STPG2: variants seen among roughly 807,000 people sequenced by gnomAD.
STPG2 encodes sperm tail PG-rich repeat containing 2, also known as sperm-tail PG-rich repeat-containing protein 2.
A neutral mutation model predicts 54.2 loss-of-function variants in STPG2; 56 were observed. The observed-to-expected ratio is 1.03, with a 90% confidence interval of 0.83 to 1.29. STPG2 has a LOEUF of 1.29. Ranked by LOEUF, STPG2 falls within the 50% of genes most tolerant of loss-of-function variation. STPG2 has a pLI of 0.00. For synonymous variants in STPG2, 200 were observed against 181.8 expected (o/e 1.10, Z -0.81); for missense variants, 596 against 544.9 (o/e 1.09, Z -0.93).
chr4:97,455,546 G>A (rs898102135), intron 4 of STPG2, among the ~76,000 whole-genome samples: 10 of 152,092 alleles, frequency 6.6e-5, no homozygotes, highest in African/African-American at 1.4e-4. Flanking sequence ...GCTGCTGAGC[G>A]GCCTGACTCC....
In STPG2 at chr4:97,792,173, T is replaced by C. The variant is rs56092288; in HGVS notation, c.1204+48600A>G. Among the ~76,000 whole-genome samples, 1,153 of 152,296 alleles carry C rather than the reference T, an allele frequency of 7.6e-3. 9 individuals carry two copies. The highest frequency in any genetic ancestry group is 9.2e-3 in the Non-Finnish European group (629 of 68,014). On this transcript the variant is annotated intron_variant, in intron 9 of 10. Coordinates refer to ENST00000295268, the MANE Select transcript of STPG2 (RefSeq NM_174952.3). ...CAAAACCATATTGCAAGTATAAGGA[T>C]GAAATTAAGATTTTTTATGTTTAAA...
At chr4:97,872,690 G>A (rs995582409) in intron 8 of STPG2, among the ~76,000 whole-genome samples, 2 of 150,998 alleles carry the variant, frequency 1.3e-5, no homozygotes, top group African/African-American at 2.4e-5. Context: ...ACAGATCATA[G>A]GTTAATTAAT....
chr4:97,736,377 CA>C (rs1260628814), intron 9 of STPG2, among the ~76,000 whole-genome samples: 1 of 152,164 alleles, frequency 6.6e-6, no homozygotes, highest in Non-Finnish European at 1.5e-5. Flanking sequence ...GGGTGCAGCA[CA>C]CCGTGCGCGA....
chr4:98,098,438 G>C (rs1305842378), intron 5 of STPG2, among the ~76,000 whole-genome samples: 10 of 152,108 alleles, frequency 6.6e-5, no homozygotes, highest in Non-Finnish European at 4.4e-5. Context: ...GATGAAACTA[G>C]ACCTCTCTCT....
At chr4:97,607,097 T>C (rs976117768) in intron 10 of STPG2, among the ~76,000 whole-genome samples, 8 of 152,062 alleles carry the variant, frequency 5.3e-5, no homozygotes, top group Non-Finnish European at 1.5e-5. Flanking sequence ...AGATTTTCCT[T>C]TTAAAAAGGT....
At chr4:97,646,120 G>A (rs1328228679) in intron 10 of STPG2, among the ~76,000 whole-genome samples, 1 of 152,132 alleles carries the variant, frequency 6.6e-6, no homozygotes, top group African/African-American at 2.4e-5. Context: ...GGTTTAAGTA[G>A]ACCCTAACTT....
chr4:97,744,650 AT>A (rs1286983496), intron 9 of STPG2, among the ~76,000 whole-genome samples: 2 of 151,336 alleles, frequency 1.3e-5, no homozygotes. Flanking sequence ...CTATAAATAC[AT>A]AGCTGCGATA....
rs1287769992 is a variant in STPG2 at position 98,011,492 on chromosome 4, G to C, written c.613-30174C>G. On this transcript the variant is annotated intron_variant, in intron 5 of 10. Transcript: ENST00000295268. ...TATATAATCAGTAATGGGATTGTTG[G>C]GTCAAATAGTATTTCTGGTTCTAGA... Among the ~76,000 whole-genome samples the C allele has an allele frequency of 4.6e-5, 7 of 152,064 alleles. No homozygotes were observed. In the East Asian group the frequency reaches 1.2e-3, roughly 25 times the overall value.
intron 8 of STPG2, chr4:97,917,026 G>C (rs1731905267): frequency 6.6e-6 from 1 of 152,654 alleles, no homozygotes; most frequent in Non-Finnish European, 1.5e-5. Context: ...AGGTTCTTCT[G>C]ATCAGTGACA....
At chr4:97,566,976 T>C (rs951454992) in intron 10 of STPG2, among the ~76,000 whole-genome samples, 5 of 151,938 alleles carry the variant, frequency 3.3e-5, no homozygotes, top group African/African-American at 1.2e-4. Context: ...GGTACATGTA[T>C]ACATATGTAA....
At chr4:98,017,080 G>A (rs1735974504) in intron 5 of STPG2, among the ~76,000 whole-genome samples, 1 of 152,198 alleles carries the variant, frequency 6.6e-6, no homozygotes, top group Non-Finnish European at 1.5e-5. Flanking sequence ...TGAAGCCTGA[G>A]TCTGCAGGGG....
intron 10 of STPG2, among the ~76,000 whole-genome samples, chr4:97,565,396 G>A (rs1000306533): frequency 5.3e-5 from 8 of 152,050 alleles, no homozygotes; most frequent in African/African-American, 1.2e-4. Context: ...CCTGTAGCTC[G>A]GAGTAGTTTG....
At chr4:97,667,644 C>T (rs1722569351) in intron 10 of STPG2, among the ~76,000 whole-genome samples, 1 of 152,144 alleles carries the variant, frequency 6.6e-6, no homozygotes, top group South Asian at 2.1e-4. Flanking sequence ...TTTTCAAACT[C>T]TTCCTTCCTT....
intron 4 of STPG2, among the ~76,000 whole-genome samples, chr4:97,547,490 G>A (rs556485233): frequency 4.6e-5 from 7 of 152,262 alleles, no homozygotes; most frequent in Non-Finnish European, 8.8e-5. Flanking sequence ...GATTACAGGC[G>A]TGAGCCACCG....
chr4:97,790,131 T>C (rs572079662), intron 9 of STPG2, among the ~76,000 whole-genome samples: 40 of 151,936 alleles, frequency 2.6e-4, no homozygotes, highest in Non-Finnish European at 5.6e-4. Flanking sequence ...TGTAAACCCA[T>C]GTAGGCGGGG....
intron 3 of STPG2, among the ~76,000 whole-genome samples, chr4:98,115,301 A>C (rs1477371545): frequency 2.0e-5 from 3 of 151,998 alleles, no homozygotes; most frequent in Non-Finnish European, 2.9e-5. Flanking sequence ...GCATGTTATC[A>C]TTAGCAAATA....
At chr4:97,999,126 A>G (rs1017572089) in intron 5 of STPG2, among the ~76,000 whole-genome samples, 1 of 152,208 alleles carries the variant, frequency 6.6e-6, no homozygotes, top group East Asian at 1.9e-4. Context: ...TTAAGGCACT[A>G]CATTTTGGAG....
chr4:98,108,174 G>A (rs756525175), intron 4 of STPG2, among the ~76,000 whole-genome samples: 4 of 152,116 alleles, frequency 2.6e-5, no homozygotes, highest in Non-Finnish European at 5.9e-5. Flanking sequence ...ATGAACAGTA[G>A]CAGGGGAGTC....
At chr4:98,064,454 C>T (rs976247742) in intron 5 of STPG2, among the ~76,000 whole-genome samples, 5 of 152,266 alleles carry the variant, frequency 3.3e-5, no homozygotes, top group African/African-American at 1.2e-4. Flanking sequence ...CAACCTGAAA[C>T]CTACATTTTT....
Sources: allele counts gnomAD v4.1 joint callset (sites outside exome capture counted in the v4.1 genomes callset), GRCh38; gene constraint gnomAD v4.1.1; transcripts MANE v1.5; gene names NCBI Gene and HGNC (gene_info 2026-07-23, HGNC 2026-07-21).